The following ROBO1 variants were observed in gnomAD, a reference collection of about 807,000 sequenced individuals.
The protein encoded by ROBO1 is roundabout homolog 1.
A neutral mutation model predicts 195.9 loss-of-function variants in ROBO1; 149 were observed. The ratio of observed to expected loss-of-function variants is 0.76; its 90% CI spans 0.67 to 0.87. The LOEUF is 0.87. ROBO1 is among the 40% of genes least tolerant of loss of function. ROBO1 has a pLI of 0.00. For missense variants in ROBO1, 1,933 were observed against 2,068.3 expected (o/e 0.93, Z 1.27); for synonymous variants, 816 against 733.2 (o/e 1.11, Z -1.82).
At chr3:79,234,198 T>C (rs921810854) in intron 2 of ROBO1, among the ~76,000 whole-genome samples, 4 of 152,084 alleles carry the variant, frequency 2.6e-5, no homozygotes, top group Non-Finnish European at 4.4e-5. Flanking sequence ...AACTAGGTAC[T>C]ACTTTTAAAT....
intron 25 of ROBO1, among the ~76,000 whole-genome samples, chr3:78,630,261 T>C (rs1705103568): frequency 6.6e-6 from 1 of 152,196 alleles, no homozygotes; most frequent in African/African-American, 2.4e-5. Flanking sequence ...GCCCAATGAA[T>C]GGTTCAACAT....
intron 1 of ROBO1, among the ~76,000 whole-genome samples, chr3:79,657,967 A>G (rs376319560): frequency 1.3e-5 from 2 of 152,116 alleles, no homozygotes; most frequent in Admixed American, 1.3e-4. Context: ...ATGAAGAAAA[A>G]ATTGTATGTA....
intron 1 of ROBO1, among the ~76,000 whole-genome samples, chr3:79,664,122 G>T (rs1361556267): frequency 6.6e-6 from 1 of 151,948 alleles, no homozygotes; most frequent in African/African-American, 2.4e-5. Flanking sequence ...TGTTATAGGT[G>T]CATCTTGTAT....
chr3:79,008,905 G>A (rs1254960669), intron 3 of ROBO1, among the ~76,000 whole-genome samples: 2 of 149,104 alleles, frequency 1.3e-5, no homozygotes, highest in African/African-American at 5.0e-5. Flanking sequence ...GTGTGTGTGT[G>A]TGTGTGTGTG....
At chr3:78,963,052 G>C (rs2041464693) in intron 3 of ROBO1, among the ~76,000 whole-genome samples, 1 of 150,954 alleles carries the variant, frequency 6.6e-6, no homozygotes, top group Non-Finnish European at 1.5e-5. Flanking sequence ...TATCTTCCAG[G>C]TAAGTACTGG....
chr3:79,759,357 G>A (rs957812443), intron 1 of ROBO1, among the ~76,000 whole-genome samples: 2 of 152,180 alleles, frequency 1.3e-5, no homozygotes, highest in Non-Finnish European at 2.9e-5. Context: ...GCTGTTGGCT[G>A]TTGTGCTGAA....
intron 2 of ROBO1, among the ~76,000 whole-genome samples, chr3:79,430,598 C>A (rs116120609): frequency 8.5e-4 from 129 of 152,220 alleles, no homozygotes; most frequent in African/African-American, 2.9e-3. Flanking sequence ...ACAAAAGAAT[C>A]ACAACTTAGT....
intron 3 of ROBO1, among the ~76,000 whole-genome samples, chr3:78,973,245 T>TTTATG (rs2076808289): frequency 6.6e-6 from 1 of 151,832 alleles, no homozygotes; most frequent in Non-Finnish European, 1.5e-5. Context: ...TGCTAGAAAT[T>TTTATG]TTATGTTATC....
chr3:79,735,200 T>C (rs1703329171), intron 1 of ROBO1, among the ~76,000 whole-genome samples: 2 of 152,206 alleles, frequency 1.3e-5, no homozygotes, highest in African/African-American at 4.8e-5. Flanking sequence ...GGAGTAATGC[T>C]TTAAGGCAAC....
At chr3:78,951,958 T>C (rs2040816177) in intron 3 of ROBO1, among the ~76,000 whole-genome samples, 1 of 151,942 alleles carries the variant, frequency 6.6e-6, no homozygotes, top group Non-Finnish European at 1.5e-5. Context: ...CATAAACATA[T>C]GTATTAAAAG....
intron 2 of ROBO1, among the ~76,000 whole-genome samples, chr3:79,465,377 AGT>A (rs1190144835): frequency 6.6e-6 from 1 of 152,144 alleles, no homozygotes; most frequent in African/African-American, 2.4e-5. Flanking sequence ...TTTTCTTAGT[AGT>A]GTTTTCCTTT....
At chr3:79,177,595 T>G (rs1334999310) in intron 2 of ROBO1, among the ~76,000 whole-genome samples, 2 of 152,240 alleles carry the variant, frequency 1.3e-5, no homozygotes, top group African/African-American at 2.4e-5. Flanking sequence ...CAGAGCTATC[T>G]TATCTTACAC....
At chr3:78,702,765 G>A (rs1049656797) in intron 8 of ROBO1, among the ~76,000 whole-genome samples, 3 of 152,152 alleles carry the variant, frequency 2.0e-5, no homozygotes, top group African/African-American at 7.2e-5. Flanking sequence ...ATTGGGCAGT[G>A]AGAAAACCTT....
Position 79,304,882 on chromosome 3 carries a change from C to T in ROBO1, c.89-179343G>A, listed in dbSNP as rs1038905434. ...ATATGCTTTAATTTCTCTTGAATAC[C>T]TAGAAATGGAATGACTGGCTCATAT... is the stretch of plus-strand genomic sequence containing the variant. On this transcript the variant is annotated intron_variant, in intron 2 of 30. Coordinates refer to ENST00000464233, the MANE Select transcript of ROBO1 (RefSeq NM_002941.4). 4.6e-5 allele frequency among the ~76,000 whole-genome samples: 7 copies of T among 152,148 alleles called. No homozygotes were observed. The East Asian group carries it at 1.3e-3, about 29-fold the overall frequency.
chr3:79,650,532 T>G (rs1205616364), intron 1 of ROBO1, among the ~76,000 whole-genome samples: 1 of 151,760 alleles, frequency 6.6e-6, no homozygotes, highest in Non-Finnish European at 1.5e-5. Context: ...TATGTAAAAT[T>G]CTTAGATATT....
chr3:78,603,009 C>T (rs1386624116), intron 29 of ROBO1, among the ~76,000 whole-genome samples: 1 of 152,130 alleles, frequency 6.6e-6, no homozygotes, highest in African/African-American at 2.4e-5. Flanking sequence ...TTGATTTTGA[C>T]TCTAAAAAGT....
rs560752989 is a variant in ROBO1 at position 79,740,383 on chromosome 3, T to G, written c.-51+27369A>C. 8.4e-4 allele frequency among the ~76,000 whole-genome samples: 127 copies of G among 152,034 alleles called. 1 individual carries two copies. The highest frequency in any genetic ancestry group is 2.8e-3 in the African/African-American group (117 of 41,492). ...CATTTCACCTTTTAGTGTTCTTTAT[T>G]GTTAATTTTTACTGGAAAACTGTAT... On this transcript the variant is annotated intron_variant, in intron 1 of 30. Transcript: ENST00000464233.
intron 8 of ROBO1, among the ~76,000 whole-genome samples, chr3:78,698,310 C>T (rs1362208787): frequency 6.6e-6 from 1 of 152,080 alleles, no homozygotes; most frequent in Non-Finnish European, 1.5e-5. Flanking sequence ...GACAATATCG[C>T]TAACAATTAA....
At chr3:78,743,522 C>A (rs924875134) in intron 5 of ROBO1, among the ~76,000 whole-genome samples, 3 of 152,118 alleles carry the variant, frequency 2.0e-5, no homozygotes, top group Non-Finnish European at 2.9e-5. Flanking sequence ...GCAATCATTC[C>A]CTTGGTGATT....
Sources: gnomAD v4.1 joint callset for allele counts (sites outside exome capture counted in the v4.1 genomes callset) on GRCh38, gnomAD v4.1.1 for gene constraint, MANE v1.5 for transcripts, NCBI Gene and HGNC (gene_info 2026-07-23, HGNC 2026-07-21) for gene names.